Variants in KATNBL1 observed in about 807,000 individuals in gnomAD.
KATNBL1 encodes KATNB1-like protein 1.
A neutral mutation model predicts 44.7 loss-of-function variants in KATNBL1; 28 were observed. That is an observed-to-expected ratio of 0.63 (90% confidence interval 0.46 to 0.86). KATNBL1 has a LOEUF of 0.86. Ranked by LOEUF, KATNBL1 falls within the 40% of genes least tolerant of loss-of-function variation. The pLI is 0.00. For missense variants in KATNBL1, 272 were observed against 350.7 expected, an observed-to-expected ratio of 0.78 and a Z score of 1.79; for synonymous variants, 78 against 114.9, an observed-to-expected ratio of 0.68 and a Z score of 2.06.
intron 1 of KATNBL1, among the ~76,000 whole-genome samples, chr15:34,173,009 AC>A (rs755972291): frequency 6.5e-4 from 99 of 152,334 alleles, no homozygotes; most frequent in Non-Finnish European, 1.3e-3. Flanking sequence ...AAAAAACCCA[AC>A]AAAAATACTC....
intron 1 of KATNBL1, among the ~76,000 whole-genome samples, chr15:34,192,855 G>C: frequency 6.6e-6 from 1 of 152,200 alleles, no homozygotes; most frequent in East Asian, 1.9e-4. Context: ...GGGATCAACA[G>C]TATTAAACGT....
intron 1 of KATNBL1, among the ~76,000 whole-genome samples, chr15:34,179,526 A>G (rs190370787): frequency 6.6e-6 from 1 of 152,208 alleles, no homozygotes; most frequent in African/African-American, 2.4e-5. Flanking sequence ...TAAGAGATAA[A>G]GTCTCATAGG....
chr15:34,174,901 C>A (rs1225649006), intron 1 of KATNBL1, among the ~76,000 whole-genome samples: 1 of 152,010 alleles, frequency 6.6e-6, no homozygotes, highest in East Asian at 1.9e-4. Flanking sequence ...CTCAGCCTCC[C>A]AAAGTGCCGG....
At chr15:34,185,547 A>G (rs1889694186) in intron 1 of KATNBL1, among the ~76,000 whole-genome samples, 1 of 152,228 alleles carries the variant, frequency 6.6e-6, no homozygotes, top group Non-Finnish European at 1.5e-5. Context: ...GTATACCTAT[A>G]GATATATAAC....
At chr15:34,203,405 G>A (rs1011290645) in intron 1 of KATNBL1, among the ~76,000 whole-genome samples, 1 of 152,050 alleles carries the variant, frequency 6.6e-6, no homozygotes, top group Non-Finnish European at 1.5e-5. Context: ...AGCCACACTG[G>A]CCTTCTGTCC....
rs532874704 is a variant in KATNBL1, at chr15:34,146,958, C to T, written c.699-108G>A. 89 of 728,140 alleles carry T rather than the reference C, an allele frequency of 1.2e-4. No individual in the cohort carries two copies. The African/African-American group carries it at 1.5e-3, about 12-fold the overall frequency. The allele number at this position is 728,140 out of a possible 1,614,324, so 45.1% of individuals were successfully genotyped here. On this transcript the variant is annotated intron_variant, in intron 7 of 9. Coordinates refer to ENST00000256544, the MANE Select transcript of KATNBL1 (RefSeq NM_024713.3). ...AACACACACACACATTGGTCCCTTC[C>T]CTTTTAAAAAATTGTTACCTTCATG...
intron 1 of KATNBL1, among the ~76,000 whole-genome samples, chr15:34,188,136 G>GCAAAAAAAAAA (rs1394136257): frequency 4.6e-4 from 3 of 6,578 alleles, no homozygotes; most frequent in Non-Finnish European, 1.3e-3. Flanking sequence ...AAGACGCCAT[G>GCAAAAAAAAAA]TAAAAAAAAA....
At chr15:34,195,701 AAAACCCAAAAAAC>A (rs1890012390) in intron 1 of KATNBL1, among the ~76,000 whole-genome samples, 1 of 151,714 alleles carries the variant, frequency 6.6e-6, no homozygotes, top group East Asian at 1.9e-4. Flanking sequence ...AAAAAAAAAA[AAAACCCAAAAAAC>A]AAACAAACAA....
At chr15:34,152,010 G>A (rs1181687972) in intron 4 of KATNBL1, among the ~76,000 whole-genome samples, 12 of 148,410 alleles carry the variant, frequency 8.1e-5, no homozygotes, top group Non-Finnish European at 1.2e-4. Context: ...GAATGATCGC[G>A]GCTCACTGCA....
chr15:34,183,894 G>A (rs1302384715), intron 1 of KATNBL1, among the ~76,000 whole-genome samples: 1 of 152,186 alleles, frequency 6.6e-6, no homozygotes, highest in African/African-American at 2.4e-5. Context: ...ACTCGGCTGG[G>A]TGCGGTGGCT....
intron 1 of KATNBL1, chr15:34,208,952 A>G (rs1212740586): frequency 1.3e-5 from 2 of 152,254 alleles, no homozygotes; most frequent in South Asian, 4.1e-4. Flanking sequence ...CAATACTAAA[A>G]TTTCCTGTGC....
At chr15:34,168,456 A>G (rs1889052830) in intron 1 of KATNBL1, among the ~76,000 whole-genome samples, 1 of 152,174 alleles carries the variant, frequency 6.6e-6, no homozygotes, top group African/African-American at 2.4e-5. Flanking sequence ...TTGGAGACCT[A>G]CAAAGAGACT....
At chr15:34,156,213 G>C (rs1025475734) in intron 2 of KATNBL1, among the ~76,000 whole-genome samples, 1 of 152,198 alleles carries the variant, frequency 6.6e-6, no homozygotes, top group Non-Finnish European at 1.5e-5. Flanking sequence ...CCTCTTTGTC[G>C]TGAGAGACAC....
chr15:34,189,106 C>A (rs1181253577), intron 1 of KATNBL1, among the ~76,000 whole-genome samples: 1 of 151,260 alleles, frequency 6.6e-6, no homozygotes, highest in African/African-American at 2.5e-5. Flanking sequence ...TCTCGGCTCA[C>A]CACAACCTCT....
chr15:34,148,470 C>A, intron 5 of KATNBL1, 162 bp downstream of exon 5: 2 of 519,516 alleles, frequency 3.8e-6, no homozygotes, highest in East Asian at 7.0e-5. Flanking sequence ...CACCTGTACT[C>A]TCAGCTACTC....
chr15:34,207,462 C>T (rs1282440587), intron 1 of KATNBL1, among the ~76,000 whole-genome samples: 1 of 152,146 alleles, frequency 6.6e-6, no homozygotes, highest in Non-Finnish European at 1.5e-5. Context: ...CCTGCCTCAG[C>T]CTCCCAAAGT....
intron 2 of KATNBL1, among the ~76,000 whole-genome samples, chr15:34,154,987 CAGGA>C (rs1418830048): frequency 6.6e-6 from 1 of 151,638 alleles, no homozygotes; most frequent in Non-Finnish European, 1.5e-5. Context: ...GCAGTTTAGG[CAGGA>C]AGGATGGTTA....
intron 1 of KATNBL1, among the ~76,000 whole-genome samples, chr15:34,189,675 T>C (rs560475841): frequency 3.3e-5 from 5 of 152,182 alleles, no homozygotes; most frequent in Admixed American, 6.5e-5. Flanking sequence ...AAAAAGACTA[T>C]AAAGACGGCA....
rs1888165257 is a variant in KATNBL1 at position 34,142,065 on chromosome 15, A to G, written c.*274T>C. 1 of 282,584 alleles carries G rather than the reference A, an allele frequency of 3.5e-6. No homozygotes were observed. The highest frequency in any genetic ancestry group is 2.2e-5 in the African/African-American group (1 of 45,958). 17.5% of individuals were successfully genotyped at this position (282,584 alleles called of 1,614,324 possible). A position where few individuals can be genotyped will look rare whatever the true frequency, so the allele number is the denominator to read the frequency against. Reference sequence around the variant, plus strand: ...TAGTTCTTAATGTTACCAAATAACCATATAACTCCCAAATGCAGCAAAGGT... The same window carrying G: ...TAGTTCTTAATGTTACCAAATAACCGTATAACTCCCAAATGCAGCAAAGGT... On this transcript the variant is annotated 3_prime_UTR_variant, in exon 10 of 10. Transcript: ENST00000256544.
Sources: allele counts gnomAD v4.1 joint callset (sites outside exome capture counted in the v4.1 genomes callset), GRCh38; gene constraint gnomAD v4.1.1; transcripts MANE v1.5; gene names NCBI Gene and HGNC (gene_info 2026-07-23, HGNC 2026-07-21).